The following NAALADL2 variants were observed in gnomAD, a reference collection of about 807,000 sequenced individuals.
The protein encoded by NAALADL2 is inactive N-acetylated-alpha-linked acidic dipeptidase-like protein 2.
A neutral mutation model predicts 87.2 loss-of-function variants in NAALADL2; 76 were observed. That is an observed-to-expected ratio of 0.87 (90% CI 0.72 to 1.05). The LOEUF is 1.05. Ranked by LOEUF, NAALADL2 falls within the 50% of genes least tolerant of loss-of-function variation. The probability of loss-of-function intolerance (pLI) is 0.00; values close to 1 mark genes in which losing one functional copy is unlikely to be tolerated. For synonymous variants in NAALADL2, 354 were observed against 331.0 expected (o/e 1.07, Z -0.75); for missense variants, 1,089 against 945.8 (o/e 1.15, Z -1.99).
chr3:174,477,686 T>C (rs1717298267), intron 1 of NAALADL2, among the ~76,000 whole-genome samples: 1 of 152,220 alleles, frequency 6.6e-6, no homozygotes, highest in Admixed American at 6.5e-5. Context: ...GTTCAGTTCT[T>C]ATTATCAGGA....
intron 1 of NAALADL2, among the ~76,000 whole-genome samples, chr3:174,986,120 TA>T (rs1745828659): frequency 6.6e-6 from 1 of 151,756 alleles, no homozygotes; most frequent in African/African-American, 2.4e-5. Context: ...TAGCAGGTTA[TA>T]TATCAACATT....
intron 1 of NAALADL2, among the ~76,000 whole-genome samples, chr3:174,909,008 GAAA>G (rs112001916): frequency 7.2e-6 from 1 of 139,684 alleles, no homozygotes; most frequent in African/African-American, 2.6e-5. Context: ...ATCATACTCA[GAAA>G]AAAAAAAAAA....
At chr3:174,795,516 TG>T (rs1261325410) in intron 3 of NAALADL2, among the ~76,000 whole-genome samples, 1 of 152,224 alleles carries the variant, frequency 6.6e-6, no homozygotes, top group Non-Finnish European at 1.5e-5. Context: ...TACAGATTTT[TG>T]TATGGCTATA....
chr3:175,381,603 T>G (rs1186379785), intron 5 of NAALADL2, among the ~76,000 whole-genome samples: 1 of 152,216 alleles, frequency 6.6e-6, no homozygotes, highest in Non-Finnish European at 1.5e-5. Flanking sequence ...ACTGAATTTC[T>G]GTCATGATAA....
intron 2 of NAALADL2, among the ~76,000 whole-genome samples, chr3:175,222,442 T>C (rs1743523078): frequency 6.6e-6 from 1 of 152,190 alleles, no homozygotes; most frequent in Non-Finnish European, 1.5e-5. Flanking sequence ...CTAGTATTAC[T>C]GGAAAACTTT....
intron 1 of NAALADL2, among the ~76,000 whole-genome samples, chr3:174,469,488 G>C (rs955666172): frequency 6.6e-6 from 1 of 151,768 alleles, no homozygotes; most frequent in Non-Finnish European, 1.5e-5. Context: ...GAGTGCAGTG[G>C]CGGGATCTCA....
chr3:174,799,226 T>C (rs1305781480), intron 3 of NAALADL2, among the ~76,000 whole-genome samples: 3 of 152,180 alleles, frequency 2.0e-5, no homozygotes, highest in Non-Finnish European at 4.4e-5. Flanking sequence ...GCATTGTTTT[T>C]TCTTGCCTAG....
At chr3:175,300,328 C>T (rs1275672517) in intron 4 of NAALADL2, among the ~76,000 whole-genome samples, 2 of 152,178 alleles carry the variant, frequency 1.3e-5, no homozygotes, top group East Asian at 1.9e-4. Context: ...AGGATTCCCT[C>T]TTTTTCTATT....
intron 11 of NAALADL2, among the ~76,000 whole-genome samples, chr3:175,701,748 A>G (rs1739033202): frequency 6.6e-6 from 1 of 152,234 alleles, no homozygotes; most frequent in Non-Finnish European, 1.5e-5. Context: ...GCCAATTTTT[A>G]TAGTAAGTAA....
intron 1 of NAALADL2, among the ~76,000 whole-genome samples, chr3:174,522,879 A>T (rs537434693): frequency 5.1e-4 from 71 of 138,792 alleles, no homozygotes; most frequent in South Asian, 1.0e-3. Context: ...GCTTGCAGTG[A>T]GCCGAGATCT....
intron 2 of NAALADL2, among the ~76,000 whole-genome samples, chr3:174,558,170 C>T (rs1232280758): frequency 6.6e-6 from 1 of 152,092 alleles, no homozygotes; most frequent in African/African-American, 2.4e-5. Flanking sequence ...TTCCAGATGC[C>T]AGTCAAGGGC....
At chr3:174,811,173 G>T (rs1262013328) in intron 3 of NAALADL2, among the ~76,000 whole-genome samples, 13 of 151,584 alleles carry the variant, frequency 8.6e-5, no homozygotes, top group African/African-American at 2.9e-4. Context: ...GGCCAGTACA[G>T]AAGGGAAATA....
At chr3:175,001,515 G>A (rs569732841) in intron 1 of NAALADL2, among the ~76,000 whole-genome samples, 1 of 152,210 alleles carries the variant, frequency 6.6e-6, no homozygotes, top group African/African-American at 2.4e-5. Context: ...CTAATATGAA[G>A]GTAAAGCTGA....
At chr3:175,703,746 AAAAT>A (rs922520950) in intron 11 of NAALADL2, among the ~76,000 whole-genome samples, 10 of 152,300 alleles carry the variant, frequency 6.6e-5, no homozygotes, top group South Asian at 6.2e-4. Flanking sequence ...CCATCTCAAA[AAAAT>A]AAATAAATAA....
intron 1 of NAALADL2, among the ~76,000 whole-genome samples, chr3:174,924,520 A>T (rs995000536): frequency 6.6e-6 from 1 of 152,116 alleles, no homozygotes; most frequent in Non-Finnish European, 1.5e-5. Context: ...CGCAATAAAC[A>T]TACATGTGCA....
intron 3 of NAALADL2, among the ~76,000 whole-genome samples, chr3:174,762,499 C>G (rs1198360923): frequency 6.7e-6 from 1 of 150,204 alleles, no homozygotes; most frequent in Non-Finnish European, 1.5e-5. Context: ...CAAAACTTTA[C>G]ATTAAACATT....
chr3:175,787,255 C>A (rs951613770), intron 13 of NAALADL2, among the ~76,000 whole-genome samples: 11 of 152,120 alleles, frequency 7.2e-5, no homozygotes, highest in South Asian at 2.1e-4. Flanking sequence ...TCGAGCTTCC[C>A]GGCTGCTTTG....
intron 5 of NAALADL2, among the ~76,000 whole-genome samples, chr3:175,335,276 A>G (rs1761864260): frequency 6.6e-6 from 1 of 152,232 alleles, no homozygotes; most frequent in Non-Finnish European, 1.5e-5. Context: ...TTAATAGCCA[A>G]TATGGCTTTA....
In NAALADL2 at chr3:174,833,782, G is replaced by A. The variant is rs140434363; in HGVS notation, c.-9+96036G>A. On this transcript the variant is annotated intron_variant, in intron 3 of 3. Transcript: ENST00000434257. ...ATCAATTTAATTTAAAATGTATATT[G>A]AGAGAGTAAATGGGGACAACTATAT... 5.3e-5 allele frequency among the ~76,000 whole-genome samples: 8 copies of A among 151,446 alleles called. No individual in the cohort carries two copies. In the East Asian group the frequency reaches 1.6e-3, roughly 30 times the overall value.
Sources: allele counts gnomAD v4.1 joint callset (sites outside exome capture counted in the v4.1 genomes callset), GRCh38; gene constraint gnomAD v4.1.1; transcripts MANE v1.5; gene names NCBI Gene and HGNC (gene_info 2026-07-23, HGNC 2026-07-21).